Variants in TRHDE observed in about 807,000 individuals in gnomAD.
TRHDE encodes the protein thyrotropin-releasing hormone-degrading ectoenzyme.
Under a neutral mutation model 125.7 loss-of-function variants are expected in TRHDE, and 72 were observed. The ratio of observed to expected loss-of-function variants is 0.57; its 90% CI spans 0.47 to 0.70. TRHDE has a LOEUF of 0.70. Among genes scored for constraint, TRHDE ranks in the 30% least tolerant of loss-of-function variants. The pLI is 0.00. For synonymous variants in TRHDE, 509 were observed against 509.1 expected (o/e 1.00, Z 0.00); for missense variants, 1,110 against 1,327.1 (o/e 0.84, Z 2.54).
intron 2 of TRHDE, among the ~76,000 whole-genome samples, chr12:72,241,078 T>G (rs1230498976): frequency 6.6e-6 from 1 of 152,108 alleles, no homozygotes; most frequent in Non-Finnish European, 1.5e-5. Flanking sequence ...CTAAAAGGAC[T>G]CCTATTTGTT....
Position 72,272,506 on chromosome 12 carries a change from T to TA in TRHDE, c.-134dup, listed in dbSNP as rs1484588273. 10 of 534,004 alleles carry TA rather than the reference T, an allele frequency of 1.9e-5. No homozygotes were observed. The highest frequency in any genetic ancestry group is 1.0e-4 in the Admixed American group (3 of 29,892). The allele number at this position is 534,004 out of a possible 1,614,324, so 33.1% of individuals were successfully genotyped here. ...CGTCGCTTGTGTCCAGAACCCGTCT[T>TA]AAAAGAACCCGGGCCAGCATCCCCA... On this transcript the variant is annotated 5_prime_UTR_variant, in exon 1 of 19. Coordinates refer to ENST00000261180, the MANE Select transcript of TRHDE (RefSeq NM_013381.3). This position sits in a 1 kb window ranked among gnomAD's most constrained non-coding sequence, Gnocchi z 6.7.
Position 72,665,707 on chromosome 12 carries a change from T to C in TRHDE, c.*2512T>C, listed in dbSNP as rs2136120549. The C allele has an allele frequency of 6.6e-6, 1 of 152,184 alleles. No individual in the cohort carries two copies. Among genetic ancestry groups the C allele is most frequent in the African/African-American group, 2.4e-5 (1 of 41,564 alleles). The allele number at this position is 152,184 out of a possible 1,614,324, so 9.4% of individuals were successfully genotyped here. A position where few individuals can be genotyped will look rare whatever the true frequency, so the allele number is the denominator to read the frequency against. On this transcript the variant is annotated 3_prime_UTR_variant, in exon 19 of 19. Transcript: ENST00000261180. Reference sequence around the variant, plus strand: ...TATGTATGCATGAAATAACTAACTGTTGAAAGTGTCCAACCTCCAGCCATA... The same window carrying C: ...TATGTATGCATGAAATAACTAACTGCTGAAAGTGTCCAACCTCCAGCCATA...
intron 15 of TRHDE, among the ~76,000 whole-genome samples, chr12:72,648,861 A>G (rs746409900): frequency 6.6e-6 from 1 of 152,118 alleles, no homozygotes; most frequent in Non-Finnish European, 1.5e-5. Flanking sequence ...TGAAAAATGT[A>G]TGTACTAAAA....
At chr12:72,599,209 G>T (rs756888507) in intron 12 of TRHDE, among the ~76,000 whole-genome samples, 15 of 151,968 alleles carry the variant, frequency 9.9e-5, no homozygotes, top group Non-Finnish European at 2.1e-4. Context: ...GTGTCTTTTT[G>T]GTAGAACAAT....
chr12:72,437,990 T>C (rs950086834), intron 3 of TRHDE, among the ~76,000 whole-genome samples: 22 of 151,810 alleles, frequency 1.4e-4, no homozygotes, highest in African/African-American at 5.1e-4. Flanking sequence ...AAGATCAGCT[T>C]TTTTAGATTT....
intron 2 of TRHDE, among the ~76,000 whole-genome samples, chr12:72,172,722 G>A (rs1333022328): frequency 1.3e-5 from 2 of 152,170 alleles, no homozygotes; most frequent in African/African-American, 4.8e-5. Flanking sequence ...TTTCATCAGT[G>A]TCCTAATAAT....
At chr12:72,275,515 G>A (rs12424644) in intron 1 of TRHDE, among the ~76,000 whole-genome samples, 2,884 of 152,252 alleles carry the variant, frequency 0.019, 105 homozygotes, top group South Asian at 0.093. Context: ...GTCAAATACG[G>A]GGGAAAGGCA....
At chr12:72,154,076 G>A in intron 2 of TRHDE, among the ~76,000 whole-genome samples, 1 of 152,256 alleles carries the variant, frequency 6.6e-6, no homozygotes, top group African/African-American at 2.4e-5. Context: ...GAATCTGGGT[G>A]CTCCTATATT....
intron 12 of TRHDE, among the ~76,000 whole-genome samples, chr12:72,608,736 C>T (rs1480759305): frequency 6.6e-6 from 1 of 152,118 alleles, no homozygotes; most frequent in African/African-American, 2.4e-5. Flanking sequence ...CTCATAAGGC[C>T]ATGGATTACT....
At chr12:72,445,267 T>G (rs1875220788) in intron 3 of TRHDE, among the ~76,000 whole-genome samples, 1 of 151,878 alleles carries the variant, frequency 6.6e-6, no homozygotes, top group Admixed American at 6.6e-5. Context: ...TATCACATAT[T>G]TTTTAATAAG....
At chr12:72,483,761 T>C (rs564662064) in intron 5 of TRHDE, among the ~76,000 whole-genome samples, 1 of 152,138 alleles carries the variant, frequency 6.6e-6, no homozygotes, top group Admixed American at 6.5e-5. Context: ...AAAAAATGCT[T>C]TTTAGTTTCA....
At chr12:72,111,379 CA>C (rs1171246963) in intron 2 of TRHDE, among the ~76,000 whole-genome samples, 3 of 152,078 alleles carry the variant, frequency 2.0e-5, no homozygotes, top group African/African-American at 7.2e-5. Context: ...TACTATTTAA[CA>C]AGCAAACATA....
intron 3 of TRHDE, among the ~76,000 whole-genome samples, chr12:72,397,307 C>G (rs897349109): frequency 3.3e-5 from 5 of 152,208 alleles, no homozygotes; most frequent in African/African-American, 1.2e-4. Context: ...TTCCAAGTCA[C>G]CAAGCCATCA....
At chr12:72,581,779 G>A (rs891400500) in intron 12 of TRHDE, among the ~76,000 whole-genome samples, 6 of 152,088 alleles carry the variant, frequency 3.9e-5, no homozygotes, top group African/African-American at 1.4e-4. Flanking sequence ...ATAAGGACCT[G>A]TGTCTAGAGA....
chr12:72,572,579 T>C (rs1870797296), intron 10 of TRHDE, among the ~76,000 whole-genome samples: 1 of 152,046 alleles, frequency 6.6e-6, no homozygotes, highest in South Asian at 2.1e-4. Context: ...ATTACAAAAA[T>C]TTTCAGGGAA....
At chr12:72,208,340 G>T (rs115489797) in intron 2 of TRHDE, among the ~76,000 whole-genome samples, 5,882 of 152,148 alleles carry the variant, frequency 0.039, 251 homozygotes, top group African/African-American at 0.099. Context: ...GAGGGGCAGG[G>T]CACATTCCAT....
chr12:72,124,515 T>A (rs1006400897), intron 2 of TRHDE, among the ~76,000 whole-genome samples: 3 of 152,144 alleles, frequency 2.0e-5, no homozygotes, highest in Non-Finnish European at 4.4e-5. Flanking sequence ...CAAGATTAAA[T>A]AGAGTGATCA....
intron 6 of TRHDE, among the ~76,000 whole-genome samples, chr12:72,538,337 T>C (rs1868971875): frequency 6.6e-6 from 1 of 152,034 alleles, no homozygotes; most frequent in African/African-American, 2.4e-5. Context: ...TCTATGACAC[T>C]GCTTATACCC....
intron 15 of TRHDE, among the ~76,000 whole-genome samples, chr12:72,639,292 T>G (rs1363551854): frequency 9.2e-5 from 14 of 152,134 alleles, no homozygotes; most frequent in South Asian, 2.1e-4. Context: ...TCCAGTTGAT[T>G]GCATCGGCTC....
Sources: allele counts gnomAD v4.1 joint callset (sites outside exome capture counted in the v4.1 genomes callset), GRCh38; gene constraint gnomAD v4.1.1; non-coding constraint Gnocchi (gnomAD v3.1); transcripts MANE v1.5; gene names NCBI Gene and HGNC (gene_info 2026-07-23, HGNC 2026-07-21).